Variants in ZNF433 observed in about 807,000 individuals in gnomAD.
ZNF433 encodes zinc finger protein 433.
In ZNF433, 12 loss-of-function variants were observed where a neutral mutation model predicts 10.6. The observed-to-expected ratio is 1.13, with a 90% CI of 0.72 to 1.83. The LOEUF (loss-of-function observed/expected upper bound fraction) is 1.83. Ranked by LOEUF, ZNF433 falls within the 40% of genes most tolerant of loss-of-function variation. ZNF433 has a pLI of 0.00. For synonymous variants in ZNF433, 272 were observed against 271.3 expected (o/e 1.00, Z -0.02); for missense variants, 737 against 798.0 (o/e 0.92, Z 0.92).
At chr19:12,027,334 C>G (rs1419468018) in intron 1 of ZNF433, 1 of 314,640 alleles carries the variant, frequency 3.2e-6, no homozygotes, top group Non-Finnish European at 6.1e-6. Flanking sequence ...CTTGCAAAAA[C>G]AAAAAGGGGG....
chr19:12,026,823 A>G, intron 1 of ZNF433: 1 of 454,126 alleles, frequency 2.2e-6, no homozygotes, highest in Admixed American at 2.3e-5. Flanking sequence ...TCTGCCTGCC[A>G]TGGCCACACT....
At chr19:12,023,983 G>GT (rs1322733658) in intron 1 of ZNF433, 1 of 152,128 alleles carries the variant, frequency 6.6e-6, no homozygotes. Flanking sequence ...ATTTTTGATG[G>GT]TGGCCATTGT....
chr19:12,035,397 C>T, intron 1 of ZNF433, 140 bp downstream of exon 1: 1 of 1,252,484 alleles, frequency 8.0e-7, no homozygotes, highest in South Asian at 1.4e-5. Flanking sequence ...CCAAGGGGAC[C>T]AAGGGCCGAG....
At chr19:12,022,786 G>A (rs541208538) in intron 1 of ZNF433, among the ~76,000 whole-genome samples, 3 of 152,328 alleles carry the variant, frequency 2.0e-5, no homozygotes, top group South Asian at 2.1e-4. Context: ...AGTGGCAAAG[G>A]AGGAAGAGTC....
At chr19:12,028,430 G>A (rs1026803625) in intron 1 of ZNF433, among the ~76,000 whole-genome samples, 6 of 152,116 alleles carry the variant, frequency 3.9e-5, no homozygotes, top group African/African-American at 1.2e-4. Context: ...TGCATACCCA[G>A]GTTATGAAAC....
intron 1 of ZNF433, among the ~76,000 whole-genome samples, chr19:12,031,782 C>T (rs1362172563): frequency 3.3e-5 from 5 of 151,418 alleles, no homozygotes; most frequent in Non-Finnish European, 4.4e-5. Context: ...CCCAGCTACT[C>T]GGGAGGCTCA....
chr19:12,026,762 A>G (rs962924252), intron 1 of ZNF433: 8 of 454,046 alleles, frequency 1.8e-5, no homozygotes, highest in African/African-American at 4.0e-5. Flanking sequence ...CTATGGAGTC[A>G]TTATTGATTG....
At chr19:12,030,081 CAAAAAAAAAAA>C (rs74180055) in intron 1 of ZNF433, 14 of 205,068 alleles carry the variant, frequency 6.8e-5, no homozygotes, top group Non-Finnish European at 9.7e-5. Context: ...GACTCCATCT[CAAAAAAAAAAA>C]AAAAAAAAAA....
intron 1 of ZNF433, among the ~76,000 whole-genome samples, chr19:12,019,003 T>C (rs1347884959): frequency 8.3e-6 from 1 of 120,664 alleles, no homozygotes; most frequent in Non-Finnish European, 1.6e-5. Flanking sequence ...TGAGCCAAGA[T>C]CACACCACCA....
Position 12,016,446 on chromosome 19 carries a change from G to A in ZNF433, c.412C>T (p.Pro138Ser). The A allele has an allele frequency of 6.2e-7, 1 of 1,614,046 alleles. No homozygotes were observed. The highest frequency in any genetic ancestry group is 8.5e-7 in the Non-Finnish European group (1 of 1,180,016). The change falls in exon 4 of 4, where the codon CCA becomes TCA. Residue 138 changes from proline to serine, a missense_variant. Coordinates refer to ENST00000550507, the MANE Select transcript of ZNF433 (RefSeq NM_001308348.2). ...AYEYQEYGQK[P>S]YKCKYCKKPF... ...TTTTTACAGTATTTACATTTATATGGTTTCTGTCCATATTCTTGATACTCA... is the reference window on the plus strand; with the variant it reads ...TTTTTACAGTATTTACATTTATATGATTTCTGTCCATATTCTTGATACTCA...
chr19:12,026,991 T>G (rs973108231), intron 1 of ZNF433: 45 of 454,032 alleles, frequency 9.9e-5, no homozygotes, highest in Middle Eastern at 6.8e-4. Flanking sequence ...TGGAAACTAT[T>G]AATGGCTCTT....
chr19:12,018,943 A>C (rs11672566), intron 1 of ZNF433, among the ~76,000 whole-genome samples: 3,972 of 151,066 alleles, frequency 0.026, 76 homozygotes, highest in Non-Finnish European at 0.044. Flanking sequence ...CCAGCTACCC[A>C]GGAGGCTGAG....
intron 1 of ZNF433, among the ~76,000 whole-genome samples, chr19:12,020,715 G>A (rs776900349): frequency 2.0e-5 from 3 of 151,912 alleles, no homozygotes; most frequent in Non-Finnish European, 4.4e-5. Context: ...TCAGGAGTTC[G>A]AGACCAGACT....
chr19:12,026,475 G>A (rs1420044242), intron 1 of ZNF433: 1 of 338,850 alleles, frequency 3.0e-6, no homozygotes, highest in African/African-American at 2.2e-5. Flanking sequence ...ATTGCCATGA[G>A]TATTCCTTCA....
In ZNF433 at chr19:12,035,582, G is replaced by A; in HGVS notation, c.-43C>T. On this transcript the variant is annotated 5_prime_UTR_variant, in exon 1 of 4. Transcript: ENST00000550507. ...ACTCCCACGACCAGTGCGGGTCACAGCACAGGCGACAGAAGCTATGGCAGA... is the reference window on the plus strand; with the variant it reads ...ACTCCCACGACCAGTGCGGGTCACAACACAGGCGACAGAAGCTATGGCAGA... The A allele has an allele frequency of 1.9e-6, 3 of 1,559,884 alleles. No individual in the cohort carries two copies. The highest frequency in any genetic ancestry group is 2.6e-6 in the Non-Finnish European group (3 of 1,152,242).
chr19:12,034,535 C>G (rs373895247), intron 1 of ZNF433: 1 of 275,488 alleles, frequency 3.6e-6, no homozygotes, highest in East Asian at 8.4e-5. Flanking sequence ...AACACAGACT[C>G]TCTGTGACAA....
chr19:12,030,328 C>T (rs1319338648), intron 1 of ZNF433: 1 of 256,890 alleles, frequency 3.9e-6, no homozygotes, highest in East Asian at 1.5e-4. Context: ...TGAAGTGATC[C>T]TCCTACCTCA....
intron 1 of ZNF433, among the ~76,000 whole-genome samples, chr19:12,028,379 A>G (rs1219078196): frequency 6.6e-6 from 1 of 152,248 alleles, no homozygotes; most frequent in African/African-American, 2.4e-5. Context: ...TCTGATATCA[A>G]CTGCATAAAA....
chr19:12,033,848 T>C (rs1165532257), intron 1 of ZNF433, among the ~76,000 whole-genome samples: 1 of 151,822 alleles, frequency 6.6e-6, no homozygotes, highest in Non-Finnish European at 1.5e-5. Context: ...CAAAAACAAA[T>C]AGTTGATACT....
Sources: allele counts gnomAD v4.1 joint callset (sites outside exome capture counted in the v4.1 genomes callset), GRCh38; gene constraint gnomAD v4.1.1; transcripts MANE v1.5; gene names NCBI Gene and HGNC (gene_info 2026-07-23, HGNC 2026-07-21).